Variants in ATP10B observed in about 807,000 individuals in gnomAD.
ATP10B encodes phospholipid-transporting ATPase VB.
Under a neutral mutation model 141.2 loss-of-function variants are expected in ATP10B, and 122 were observed. The ratio of observed to expected loss-of-function variants is 0.86; its 90% CI spans 0.75 to 1.00. The LOEUF (loss-of-function observed/expected upper bound fraction) is 1.00, where lower values mean the gene tolerates loss of function less well. Among genes scored for constraint, ATP10B ranks in the 50% least tolerant of loss-of-function variants. The pLI is 0.00. For missense variants in ATP10B, 1,876 were observed against 1,825.3 expected, an observed-to-expected ratio of 1.03 and a Z score of -0.51; for synonymous variants, 685 against 692.0, an observed-to-expected ratio of 0.99 and a Z score of 0.16.
intron 24 of ATP10B, among the ~76,000 whole-genome samples, chr5:160,571,162 C>T (rs942181897): frequency 6.6e-6 from 1 of 152,082 alleles, no homozygotes; most frequent in African/African-American, 2.4e-5. Context: ...ATTTCATTCC[C>T]TCTCTCATTT....
chr5:160,693,407 C>A (rs1394916911), intron 3 of ATP10B, among the ~76,000 whole-genome samples: 1 of 93,676 alleles, frequency 1.1e-5, no homozygotes, highest in African/African-American at 4.7e-5. Flanking sequence ...TCAGAAAACA[C>A]ACACACACAC....
At chr5:160,899,161 A>C in the ATP10B span, among the ~76,000 whole-genome samples, 1 of 151,990 alleles carries the variant, frequency 6.6e-6, no homozygotes, top group Non-Finnish European at 1.5e-5. Flanking sequence ...GACAATATAA[A>C]AGCATTTCCA....
intron 1 of ATP10B, among the ~76,000 whole-genome samples, chr5:160,832,196 T>C (rs775131427): frequency 1.8e-4 from 28 of 152,154 alleles, no homozygotes; most frequent in Non-Finnish European, 3.7e-4. Flanking sequence ...ACCTTCAAAC[T>C]GGCAATTTTA....
At chr5:160,759,380 G>A (rs966440455) in intron 2 of ATP10B, among the ~76,000 whole-genome samples, 4 of 152,110 alleles carry the variant, frequency 2.6e-5, no homozygotes, top group African/African-American at 7.2e-5. Flanking sequence ...AGGAAACACA[G>A]GTAAACACGA....
chr5:160,635,174 T>A (rs1581236103), intron 11 of ATP10B, among the ~76,000 whole-genome samples: 1 of 152,102 alleles, frequency 6.6e-6, no homozygotes, highest in Admixed American at 6.5e-5. Context: ...GATGGCTGGG[T>A]GGGATGCTTG....
At chr5:160,628,556 T>TC (rs1274622905) in intron 13 of ATP10B, among the ~76,000 whole-genome samples, 9 of 151,738 alleles carry the variant, frequency 5.9e-5, no homozygotes, top group Non-Finnish European at 1.3e-4. Flanking sequence ...CAATGACACC[T>TC]CCTTCGCTCC....
the ATP10B span, among the ~76,000 whole-genome samples, chr5:160,865,290 C>A: frequency 2.6e-5 from 4 of 152,042 alleles, no homozygotes; most frequent in African/African-American, 9.7e-5. Flanking sequence ...ACCAGCTGGT[C>A]TTTGACAAAG....
At chr5:160,662,627 C>T (rs907523560) in intron 7 of ATP10B, among the ~76,000 whole-genome samples, 20 of 152,290 alleles carry the variant, frequency 1.3e-4, no homozygotes, top group African/African-American at 4.6e-4. Context: ...CTTCCTTACA[C>T]CTTATACAAA....
At chr5:160,862,543 C>T in the ATP10B span, among the ~76,000 whole-genome samples, 2 of 151,952 alleles carry the variant, frequency 1.3e-5, no homozygotes, top group Admixed American at 6.6e-5. Context: ...TCAGCCCTTA[C>T]TTTGAGAATC....
At chr5:160,755,831 AAAAAAAAATATATATATATATAT>A (rs1275731402) in intron 2 of ATP10B, among the ~76,000 whole-genome samples, 2 of 68,886 alleles carry the variant, frequency 2.9e-5, no homozygotes, top group African/African-American at 1.7e-4. Context: ...AAAAAAAAAA[AAAAAAAAATATATATATATATAT>A]ATATATATAT....
At position 160,702,275 on chromosome 5, in the gene ATP10B, T is replaced by G. The variant is rs556792133; in HGVS notation, c.-204-13332A>C. Reference sequence around the variant, plus strand: ...CCTATGAGGTAAATTGGGCTTGTATTGTAATGGTTCTTTTCAGCCGTAGGC... The same window carrying G: ...CCTATGAGGTAAATTGGGCTTGTATGGTAATGGTTCTTTTCAGCCGTAGGC... On this transcript the variant is annotated intron_variant, in intron 3 of 25. Transcript: ENST00000327245. 1.1e-4 allele frequency among the ~76,000 whole-genome samples: 17 copies of G among 152,340 alleles called. No individual in the cohort carries two copies. The East Asian group carries it at 3.3e-3, about 29-fold the overall frequency.
chr5:160,606,206 A>C (rs890606310), intron 19 of ATP10B, among the ~76,000 whole-genome samples: 1 of 152,186 alleles, frequency 6.6e-6, no homozygotes, highest in African/African-American at 2.4e-5. Flanking sequence ...TCTCTGTCCC[A>C]ACATGATTAA....
chr5:160,633,077 G>A (rs1759055521), intron 12 of ATP10B: 1 of 152,246 alleles, frequency 6.6e-6, no homozygotes, highest in African/African-American at 2.4e-5. Context: ...AACAGATGCT[G>A]AAGAGGATGT....
chr5:160,928,229 T>G, the ATP10B span, among the ~76,000 whole-genome samples: 105 of 152,324 alleles, frequency 6.9e-4, 1 homozygote, highest in African/African-American at 2.5e-3. Flanking sequence ...ACTTCTGAGT[T>G]GCACAGTCCC....
intron 2 of ATP10B, among the ~76,000 whole-genome samples, chr5:160,731,197 A>C (rs1036436495): frequency 2.6e-5 from 4 of 152,250 alleles, no homozygotes; most frequent in African/African-American, 9.6e-5. Context: ...AAAGCTACCA[A>C]GATGAGTCAG....
intron 15 of ATP10B, among the ~76,000 whole-genome samples, chr5:160,620,083 T>A (rs10060920): frequency 0.031 from 4,715 of 152,302 alleles, 251 homozygotes; most frequent in African/African-American, 0.11. Flanking sequence ...TTTGGAAAAC[T>A]GGGATGAAGT....
chr5:160,714,977 G>C (rs1270410726), intron 3 of ATP10B, among the ~76,000 whole-genome samples: 1 of 96,356 alleles, frequency 1.0e-5, no homozygotes, highest in Non-Finnish European at 2.4e-5. Flanking sequence ...CCCGTTCTCA[G>C]ATCTCCAGCT....
At chr5:160,643,016 T>G (rs919083242) in intron 9 of ATP10B, among the ~76,000 whole-genome samples, 9 of 110,628 alleles carry the variant, frequency 8.1e-5, no homozygotes, top group Non-Finnish European at 1.8e-4. Flanking sequence ...TTTTCTTTTT[T>G]GGTACAGTGG....
the ATP10B span, among the ~76,000 whole-genome samples, chr5:160,896,569 A>G: frequency 6.6e-6 from 1 of 152,210 alleles, no homozygotes; most frequent in Non-Finnish European, 1.5e-5. Flanking sequence ...ATTAATCAAA[A>G]AAAGCCCAGG....
Sources: allele counts gnomAD v4.1 joint callset (sites outside exome capture counted in the v4.1 genomes callset), GRCh38; gene constraint gnomAD v4.1.1; transcripts MANE v1.5; gene names NCBI Gene and HGNC (gene_info 2026-07-23, HGNC 2026-07-21).